TMEM183A: variants seen among roughly 807,000 people sequenced by gnomAD.
TMEM183A encodes transmembrane protein 183A.
TMEM183A carries 21 observed loss-of-function variants against 46.7 expected under a neutral mutation model. The observed-to-expected ratio is 0.45, with a 90% CI of 0.32 to 0.65. The LOEUF (loss-of-function observed/expected upper bound fraction) is 0.65, where lower values mean the gene tolerates loss of function less well. Among genes scored for constraint, TMEM183A ranks in the 30% least tolerant of loss-of-function variants. The pLI is 0.04. For missense variants in TMEM183A, 331 were observed against 481.9 expected, an observed-to-expected ratio of 0.69 and a Z score of 2.93; for synonymous variants, 165 against 180.2, an observed-to-expected ratio of 0.92 and a Z score of 0.68.
chr1:203,009,024 T>G (rs948539143), intron 3 of TMEM183A, among the ~76,000 whole-genome samples: 2 of 152,192 alleles, frequency 1.3e-5, no homozygotes, highest in African/African-American at 4.8e-5. Flanking sequence ...GGAAAGAGAT[T>G]AGTACGTGTT....
chr1:203,007,384 T>G lies in TMEM183A; in HGVS notation c.-82T>G. On this transcript the variant is annotated 5_prime_UTR_variant, in exon 1 of 8. Transcript: ENST00000367242. ...ACCCGGACCTATGTTCTCGCGAGAG[T>G]TAGCGGCCTCCGGTGTGGGATGGCC... 48 of 1,282,806 alleles carry G rather than the reference T, an allele frequency of 3.7e-5. No individual in the cohort carries two copies. The highest frequency in any genetic ancestry group is 4.7e-5 in the Non-Finnish European group (47 of 1,003,506). The allele number at this position is 1,282,806 out of a possible 1,614,324, so 79.5% of individuals were successfully genotyped here. A position where few individuals can be genotyped will look rare whatever the true frequency, so the allele number is the denominator to read the frequency against.
intron 5 of TMEM183A, among the ~76,000 whole-genome samples, chr1:203,016,602 C>T (rs1299587402): frequency 6.6e-6 from 1 of 152,140 alleles, no homozygotes; most frequent in Non-Finnish European, 1.5e-5. Flanking sequence ...CTTAAGGATT[C>T]TGGTGTAGAC....
chr1:203,023,038 T>C lies in TMEM183A; in HGVS notation c.1129T>C (p.Ter377GlnextTer13), dbSNP rs768333440. 6.6e-7 allele frequency: 1 copy of C among 1,523,306 alleles called. No individual in the cohort carries two copies. Among genetic ancestry groups the C allele is most frequent in the African/African-American group, 1.4e-5 (1 of 71,746 alleles). 94.4% of individuals were successfully genotyped at this position (1,523,306 alleles called of 1,614,324 possible). A position where few individuals can be genotyped will look rare whatever the true frequency, so the allele number is the denominator to read the frequency against. ...HPQYPFSLRA[*>Q] ...TCAGTACCCATTCTCCCTGAGAGCGTAGTTACTGCTTCCCATCCCTTGGGG... is the reference window on the plus strand; with the variant it reads ...TCAGTACCCATTCTCCCTGAGAGCGCAGTTACTGCTTCCCATCCCTTGGGG... The change falls in exon 8 of 8, where the codon TAG becomes CAG. Residue 377 changes from the stop codon to glutamine, a stop_lost. Coordinates refer to ENST00000367242, the MANE Select transcript of TMEM183A (RefSeq NM_138391.6).
intron 5 of TMEM183A, chr1:203,018,057 T>C (rs1242573514): frequency 1.6e-6 from 1 of 623,456 alleles, no homozygotes; most frequent in Non-Finnish European, 2.0e-6. Flanking sequence ...TTTGCTTCTA[T>C]TATAGGGCCA....
rs1376773809 is a variant in TMEM183A, at chr1:203,023,034, A to G, written c.1125A>G (p.Arg375=). The G allele has an allele frequency of 4.5e-6, 7 of 1,539,582 alleles. No homozygotes were observed. The highest frequency in any genetic ancestry group is 6.2e-6 in the Non-Finnish European group (7 of 1,132,474). The change falls in exon 8 of 8, where the codon AGA becomes AGG. Residue 375 remains arginine, a synonymous_variant. Coordinates refer to ENST00000367242, the MANE Select transcript of TMEM183A (RefSeq NM_138391.6). The stretch of plus-strand genomic sequence containing the variant: ...ATCCTCAGTACCCATTCTCCCTGAG[A>G]GCGTAGTTACTGCTTCCCATCCCTT... The part of the protein sequence containing the change: ...WWHPQYPFSL[R]A
intron 6 of TMEM183A, among the ~76,000 whole-genome samples, chr1:203,019,666 G>C (rs1209089115): frequency 6.6e-6 from 1 of 152,038 alleles, no homozygotes; most frequent in Non-Finnish European, 1.5e-5. Flanking sequence ...CATTGTGGAA[G>C]GAGGAGCCTC....
intron 3 of TMEM183A, among the ~76,000 whole-genome samples, chr1:203,011,094 A>C (rs1481515517): frequency 6.6e-6 from 1 of 152,174 alleles, no homozygotes; most frequent in Non-Finnish European, 1.5e-5. Flanking sequence ...TTCATGGACA[A>C]GTTTTTCTGT....
Position 203,007,838 on chromosome 1 carries a change from C to A in TMEM183A, c.174C>A (p.Ala58=). The A allele has an allele frequency of 6.2e-7, 1 of 1,614,044 alleles. No homozygotes were observed. Residue 58 remains alanine, a synonymous_variant, in exon 2 of 8, where the codon GCC becomes GCA. Transcript: ENST00000367242. ...AVVRSGRVKK[A]VANAVQQEVK... Reference sequence around the variant, plus strand: ...TGAGGTCTGGACGAGTCAAGAAAGCCGTAGCCAACGCTGTTCAGCAGGAAG... The same window carrying A: ...TGAGGTCTGGACGAGTCAAGAAAGCAGTAGCCAACGCTGTTCAGCAGGAAG...
chr1:203,007,836 G>A lies in TMEM183A; in HGVS notation c.172G>A (p.Ala58Thr). 6.2e-7 allele frequency: 1 copy of A among 1,614,090 alleles called. No homozygotes were observed. The highest frequency in any genetic ancestry group is 8.5e-7 in the Non-Finnish European group (1 of 1,179,914). ...AVVRSGRVKK[A>T]VANAVQQEVK... ...CGTGAGGTCTGGACGAGTCAAGAAA[G>A]CCGTAGCCAACGCTGTTCAGCAGGA... Residue 58 changes from alanine to threonine, a missense_variant, in exon 2 of 8, where the codon GCC becomes ACC. Physicochemically the swap from Ala to Thr is moderately conservative, Grantham distance 58. Around this residue, in one of 2 missense-constraint regions of TMEM183A, gnomAD observed 98 missense variants for 96.1 expected, o/e 1.02. Transcript: ENST00000367242.
chr1:203,021,519 T>A (rs1657681509), intron 7 of TMEM183A, among the ~76,000 whole-genome samples: 1 of 152,184 alleles, frequency 6.6e-6, no homozygotes, highest in Admixed American at 6.5e-5. Flanking sequence ...AAAGGGAATG[T>A]TTTTGCATTT....
intron 7 of TMEM183A, among the ~76,000 whole-genome samples, chr1:203,021,505 T>C (rs2102573217): frequency 6.6e-6 from 1 of 152,364 alleles, no homozygotes; most frequent in South Asian, 2.1e-4. Flanking sequence ...TCCTTCTTTG[T>C]AGGAAAGGGA....
intron 6 of TMEM183A, among the ~76,000 whole-genome samples, chr1:203,019,894 T>C (rs191658975): frequency 6.6e-6 from 1 of 152,082 alleles, no homozygotes. Context: ...TATATTCTTA[T>C]GTGGAATTAT....
Position 203,015,950 on chromosome 1 carries a change from C to G in TMEM183A, c.528-10C>G, listed in dbSNP as rs773588361. ...TCACATATTGGTAGGAGTAATGTGT[C>G]ATGTTTCAGGCACTACACGCTGGAT... On this transcript the variant is annotated splice_polypyrimidine_tract_variant and intron_variant, in intron 4 of 7. Coordinates refer to ENST00000367242, the MANE Select transcript of TMEM183A (RefSeq NM_138391.6). 1.4e-5 allele frequency: 22 copies of G among 1,612,576 alleles called. No individual in the cohort carries two copies. The highest frequency in any genetic ancestry group is 1.7e-5 in the Non-Finnish European group (20 of 1,179,066).
intron 5 of TMEM183A, 180 bp downstream of exon 5, chr1:203,016,320 G>A: frequency 1.2e-6 from 1 of 821,750 alleles, no homozygotes; most frequent in Non-Finnish European, 1.9e-6. Context: ...TGTGCTGGCT[G>A]GCTTATCTTA....
intron 6 of TMEM183A, 34 bp from the exon 7 acceptor site, chr1:203,020,759 C>T (rs1340996821): frequency 1.9e-6 from 3 of 1,613,228 alleles, no homozygotes; most frequent in East Asian, 2.2e-5. Context: ...AATGTTTCTT[C>T]TAAGCCATTG....
In TMEM183A at chr1:203,016,147, G is replaced by A. The variant is rs374714789; in HGVS notation, c.708+7G>A. 149 of 1,613,996 alleles carry A rather than the reference G, an allele frequency of 9.2e-5. No individual in the cohort carries two copies. Among genetic ancestry groups the A allele is most frequent in the Non-Finnish European group, 1.2e-4 (142 of 1,180,016 alleles). Reference sequence around the variant, plus strand: ...CACATTAAAGAATTCCAAAGTAAGTGAGAATTTGTGTTGGGGTTTGACTAA... The same window carrying A: ...CACATTAAAGAATTCCAAAGTAAGTAAGAATTTGTGTTGGGGTTTGACTAA... On this transcript the variant is annotated splice_region_variant and intron_variant, in intron 5 of 7. Transcript: ENST00000367242.
chr1:203,023,951 T>C lies in TMEM183A; in HGVS notation c.*911T>C, dbSNP rs1657953913. 1 of 152,236 alleles carries C rather than the reference T, an allele frequency of 6.6e-6. No homozygotes were observed. The highest frequency in any genetic ancestry group is 2.1e-4 in the South Asian group (1 of 4,832). 9.4% of individuals were successfully genotyped at this position (152,236 alleles called of 1,614,324 possible). On this transcript the variant is annotated 3_prime_UTR_variant, in exon 8 of 8. Transcript: ENST00000367242. ...GGTAAGTAAAAAATTGATTGTGGTA[T>C]ATGTTATTCTAATCAGCCAAAAAAG...
chr1:203,010,826 C>T (rs1272860710), intron 3 of TMEM183A, among the ~76,000 whole-genome samples: 1 of 152,156 alleles, frequency 6.6e-6, no homozygotes, highest in Non-Finnish European at 1.5e-5. Flanking sequence ...TAAAAAGAAA[C>T]CCCATACTTA....
At position 203,022,917 on chromosome 1, in the gene TMEM183A, C is replaced by G. The variant is rs199954982; in HGVS notation, c.1008C>G (p.Ser336=). 1 of 1,613,154 alleles carries G rather than the reference C, an allele frequency of 6.2e-7. No individual in the cohort carries two copies. Among genetic ancestry groups the G allele is most frequent in the Non-Finnish European group, 8.5e-7 (1 of 1,179,736 alleles). ...GAGTGAGACTGGTGTTCCAAGATTC[C>G]CCTGTCCATGGTGGTCGGAAACTGC... ...HHRVRLVFQD[S]PVHGGRKLRS... The change falls in exon 8 of 8, where the codon TCC becomes TCG. Residue 336 remains serine, a synonymous_variant. Transcript: ENST00000367242.
Sources: allele counts gnomAD v4.1 joint callset (sites outside exome capture counted in the v4.1 genomes callset), GRCh38; gene constraint gnomAD v4.1.1; regional missense constraint gnomAD v4.1.1; transcripts MANE v1.5; gene names NCBI Gene and HGNC (gene_info 2026-07-23, HGNC 2026-07-21).